Variants in SENP6 observed in about 807,000 individuals in gnomAD.
SENP6 encodes sentrin-specific protease 6.
A neutral mutation model predicts 134.5 loss-of-function variants in SENP6; 41 were observed. The ratio of observed to expected loss-of-function variants is 0.30; its 90% CI spans 0.24 to 0.40. SENP6 has a LOEUF of 0.40. Ranked by LOEUF, SENP6 falls within the 10% of genes least tolerant of loss-of-function variation. The pLI, the probability that SENP6 is intolerant of heterozygous loss-of-function variation, is 1.00. For missense variants in SENP6, 1,248 were observed against 1,312.5 expected, an observed-to-expected ratio of 0.95 and a Z score of 0.76; for synonymous variants, 395 against 429.8, an observed-to-expected ratio of 0.92 and a Z score of 1.00.
intron 16 of SENP6, among the ~76,000 whole-genome samples, chr6:75,690,449 G>A (rs942437648): frequency 2.6e-5 from 4 of 152,158 alleles, no homozygotes; most frequent in African/African-American, 9.7e-5. Context: ...AGTCACAAAA[G>A]TATGATTTCT....
chr6:75,603,547 A>G (rs891202247), intron 1 of SENP6, among the ~76,000 whole-genome samples: 3 of 152,236 alleles, frequency 2.0e-5, no homozygotes, highest in African/African-American at 7.2e-5. Context: ...GCAATATGTC[A>G]TAAGCTTTAC....
rs1775983638 is a variant in SENP6 at position 75,715,568 on chromosome 6, C to CAATA, written c.3314_3317dup (p.Tyr1106Ter). 1 of 1,611,502 alleles carries CAATA rather than the reference C, an allele frequency of 6.2e-7. No homozygotes were observed. Among genetic ancestry groups the CAATA allele is most frequent in the African/African-American group, 1.3e-5 (1 of 74,786 alleles). On this transcript the variant is annotated stop_gained and frameshift_variant, in exon 24 of 24. Coordinates refer to ENST00000447266, the MANE Select transcript of SENP6 (RefSeq NM_015571.4). LOFTEE classifies it high-confidence loss of function. ...AGCACCTTTAGGCGAAGGAACAGAA[C>CAATA]AATATGTCAATAGTATCTCAGATTG...
chr6:75,605,121 C>T (rs893967794), intron 1 of SENP6, among the ~76,000 whole-genome samples: 2 of 152,158 alleles, frequency 1.3e-5, no homozygotes, highest in East Asian at 3.8e-4. Context: ...TTTTGTATTA[C>T]CAGGTTTATA....
intron 6 of SENP6, 29 bp from the exon 7 acceptor site, chr6:75,647,702 G>C: frequency 6.8e-7 from 1 of 1,477,668 alleles, no homozygotes. Context: ...TTTCCTGTTA[G>C]AATAAAACTA....
At chr6:75,691,685 C>T (rs1206768624) in intron 16 of SENP6, among the ~76,000 whole-genome samples, 3 of 151,970 alleles carry the variant, frequency 2.0e-5, no homozygotes, top group Non-Finnish European at 1.5e-5. Context: ...CTGCAAGCTC[C>T]GCCTCCCTGA....
chr6:75,653,659 TG>T (rs1345096649), intron 7 of SENP6, among the ~76,000 whole-genome samples: 1 of 106,370 alleles, frequency 9.4e-6, no homozygotes, highest in African/African-American at 3.1e-5. Context: ...TGGAATGTTG[TG>T]TTTTTTTTTT....
At chr6:75,636,991 C>A (rs948972409) in intron 5 of SENP6, among the ~76,000 whole-genome samples, 6 of 151,772 alleles carry the variant, frequency 4.0e-5, no homozygotes, top group African/African-American at 1.2e-4. Context: ...AGCAATCCTT[C>A]CACTTCAGCC....
In SENP6 at chr6:75,670,684, A is replaced by G; in HGVS notation, c.1356A>G (p.Val452=). ...SVILNCRSIR[V]GTLFRLLIEP... ...TTTTAAACTGTCGAAGTATACGAGT[A>G]GGAACACTCTTCCGGCTGTTAATAG... The change falls in exon 11 of 24, where the codon GTA becomes GTG. Residue 452 remains valine (V), a synonymous_variant. Transcript: ENST00000447266. The G allele has an allele frequency of 1.9e-6, 3 of 1,612,730 alleles. No homozygotes were observed. In the East Asian group the frequency reaches 6.7e-5, roughly 36 times the overall value.
intron 19 of SENP6, among the ~76,000 whole-genome samples, chr6:75,708,804 A>C (rs1433057241): frequency 1.3e-5 from 2 of 152,080 alleles, no homozygotes; most frequent in African/African-American, 2.4e-5. Context: ...GAGGCAGGAG[A>C]AATCACTCGA....
Position 75,669,030 on chromosome 6 carries a change from A to G in SENP6, c.1225-1523A>G, listed in dbSNP as rs569348646. ...TAAAAACAAAACAAAACACTTTTAA[A>G]CCTCTCTAACAGGTTTCTTTAATAA... On this transcript the variant is annotated intron_variant, in intron 10 of 23. Coordinates refer to ENST00000447266, the MANE Select transcript of SENP6 (RefSeq NM_015571.4). Among the ~76,000 whole-genome samples the G allele has an allele frequency of 7.9e-5, 12 of 152,282 alleles. No homozygotes were observed. The East Asian group carries it at 2.1e-3, about 27-fold the overall frequency.
Position 75,702,696 on chromosome 6 carries a change from G to A in SENP6, c.2340G>A (p.Lys780=). 2.5e-6 allele frequency: 4 copies of A among 1,610,180 alleles called. No homozygotes were observed. In the South Asian group the frequency reaches 3.3e-5, roughly 13 times the overall value. ...VVCFPGLEKP[K]YEPNPHYHEN... is the part of the protein sequence containing the mutation. ...GTTTCCCCGGTTTGGAAAAACCAAAGTATGAACCTAATCCTCATTACCATG... is the reference window on the plus strand; with the variant it reads ...GTTTCCCCGGTTTGGAAAAACCAAAATATGAACCTAATCCTCATTACCATG... Residue 780 remains lysine, a synonymous_variant, in exon 19 of 24, where the codon AAG becomes AAA. Transcript: ENST00000447266.
rs796549538 is a variant in SENP6 at position 75,652,696 on chromosome 6, A to AAAAAAAAAAAAAAAAAAAAG, written c.550+4902_550+4903insAAAAAAAAAAAAGAAAAAAA. On this transcript the variant is annotated intron_variant, in intron 7 of 23. Transcript: ENST00000447266. ...TACTAAAAATCTCAAAAAAAAAAAA[A>AAAAAAAAAAAAAAAAAAAAG]AAAAAAAGAAAAAGAAAAAAAATGC... is the stretch of plus-strand genomic sequence containing the variant. 2.0e-5 allele frequency among the ~76,000 whole-genome samples: 3 copies of AAAAAAAAAAAAAAAAAAAAG among 148,816 alleles called. No homozygotes were observed. The East Asian group carries it at 6.3e-4, about 31-fold the overall frequency.
intron 9 of SENP6, among the ~76,000 whole-genome samples, chr6:75,664,260 TA>T (rs201451056): frequency 7.8e-4 from 109 of 140,320 alleles, no homozygotes; most frequent in South Asian, 2.9e-3. Flanking sequence ...ACCCTGTTGC[TA>T]AAAAAAAAAA....
intron 19 of SENP6, among the ~76,000 whole-genome samples, chr6:75,707,600 C>G (rs1775491587): frequency 6.6e-6 from 1 of 152,070 alleles, no homozygotes; most frequent in Admixed American, 6.6e-5. Flanking sequence ...TCAAGCAATC[C>G]TCCCATCTCA....
At chr6:75,704,914 A>G (rs1011577400) in intron 19 of SENP6, among the ~76,000 whole-genome samples, 1 of 152,202 alleles carries the variant, frequency 6.6e-6, no homozygotes, top group African/African-American at 2.4e-5. Context: ...TTGATTCCAT[A>G]CAACACATGT....
Position 75,602,524 on chromosome 6 carries a change from G to C in SENP6, c.-1G>C. On this transcript the variant is annotated 5_prime_UTR_variant, in exon 1 of 24. Coordinates refer to ENST00000447266, the MANE Select transcript of SENP6 (RefSeq NM_015571.4). ...GAAGGAGGCGGCGTGGGAGGAGGAA[G>C]ATGGCGGCCGGCAAGAGCGGCGGTA... is the stretch of plus-strand genomic sequence containing the variant. The C allele has an allele frequency of 1.9e-6, 3 of 1,551,558 alleles. No individual in the cohort carries two copies. In the South Asian group the frequency reaches 3.6e-5, roughly 18 times the overall value.
intron 16 of SENP6, among the ~76,000 whole-genome samples, chr6:75,690,243 C>T (rs1353081073): frequency 6.6e-6 from 1 of 152,184 alleles, no homozygotes; most frequent in Non-Finnish European, 1.5e-5. Context: ...TATTTGCACA[C>T]CCATGTTCAT....
At chr6:75,653,764 A>G (rs182428862) in intron 7 of SENP6, among the ~76,000 whole-genome samples, 12 of 152,196 alleles carry the variant, frequency 7.9e-5, no homozygotes, top group African/African-American at 2.6e-4. Context: ...TTGTGCCCCT[A>G]TAAAATGACA....
intron 16 of SENP6, among the ~76,000 whole-genome samples, chr6:75,687,802 G>T (rs533923381): frequency 2.0e-5 from 3 of 152,314 alleles, no homozygotes; most frequent in Admixed American, 6.5e-5. Flanking sequence ...CCTATGTGAG[G>T]TGTCTGTCGG....
Sources: allele counts gnomAD v4.1 joint callset (sites outside exome capture counted in the v4.1 genomes callset), GRCh38; gene constraint gnomAD v4.1.1; transcripts MANE v1.5; gene names NCBI Gene and HGNC (gene_info 2026-07-23, HGNC 2026-07-21).